Variants in PMS1 observed in about 807,000 individuals in gnomAD.
PMS1 encodes PMS1 homolog 1, mismatch repair system component.
In PMS1, 79 loss-of-function variants were observed where a neutral mutation model predicts 93.1. The observed-to-expected ratio is 0.85, with a 90% CI of 0.71 to 1.02. The LOEUF is 1.02. Ranked by LOEUF, PMS1 falls within the 50% of genes least tolerant of loss-of-function variation. The pLI is 0.00. For missense variants in PMS1, 1,064 were observed against 1,085.3 expected, an observed-to-expected ratio of 0.98 and a Z score of 0.28; for synonymous variants, 335 against 363.4, an observed-to-expected ratio of 0.92 and a Z score of 0.89.
chr2:189,871,326 T>A (rs2057127535), intron 11 of PMS1, among the ~76,000 whole-genome samples: 1 of 151,664 alleles, frequency 6.6e-6, no homozygotes, highest in Non-Finnish European at 1.5e-5. Flanking sequence ...AAAAAAAAAA[T>A]TGCAGAAAAA....
At chr2:189,848,266 T>G (rs1164662425) in intron 6 of PMS1, among the ~76,000 whole-genome samples, 2 of 152,208 alleles carry the variant, frequency 1.3e-5, no homozygotes. Flanking sequence ...TATCATAATT[T>G]AGTCTGAAGA....
chr2:189,795,672 T>C, intron 2 of PMS1, 97 bp from the exon 3 acceptor site: 1 of 982,324 alleles, frequency 1.0e-6, no homozygotes, highest in South Asian at 1.4e-5. Flanking sequence ...TCCATAAAAG[T>C]AAATAAATGT....
intron 2 of PMS1, among the ~76,000 whole-genome samples, chr2:189,795,544 C>T (rs1049333827): frequency 6.6e-6 from 1 of 152,124 alleles, no homozygotes; most frequent in Non-Finnish European, 1.5e-5. Flanking sequence ...ATCAGCCTAA[C>T]CTCCTTATTC....
intron 2 of PMS1, among the ~76,000 whole-genome samples, chr2:189,795,310 A>G (rs2049248588): frequency 1.3e-5 from 2 of 152,210 alleles, no homozygotes; most frequent in African/African-American, 2.4e-5. Context: ...AACAAAATAA[A>G]TAAATAAAAA....
chr2:189,811,908 A>G (rs926511133), intron 4 of PMS1, among the ~76,000 whole-genome samples: 4 of 152,260 alleles, frequency 2.6e-5, no homozygotes, highest in African/African-American at 9.6e-5. Context: ...AGGAGAAAAT[A>G]CATTGAATTC....
At chr2:189,867,733 C>T (rs2056784726) in intron 10 of PMS1, 66 bp from the exon 11 acceptor site, 1 of 1,220,180 alleles carries the variant, frequency 8.2e-7, no homozygotes, top group Admixed American at 1.8e-5. Context: ...CTAGGATTAA[C>T]TTTTTCCCGT....
intron 5 of PMS1, among the ~76,000 whole-genome samples, chr2:189,836,599 T>C (rs1403406648): frequency 1.3e-5 from 2 of 152,240 alleles, no homozygotes; most frequent in Admixed American, 1.3e-4. Flanking sequence ...CATTTTATAG[T>C]TTAGTTTTTT....
intron 10 of PMS1, among the ~76,000 whole-genome samples, chr2:189,864,785 A>G (rs2056495829): frequency 7.5e-6 from 1 of 133,930 alleles, no homozygotes; most frequent in African/African-American, 2.8e-5. Flanking sequence ...AGAATACTCT[A>G]GATAGTTCAC....
chr2:189,835,301 G>T (rs5743088), intron 5 of PMS1, among the ~76,000 whole-genome samples: 6 of 152,080 alleles, frequency 3.9e-5, no homozygotes, highest in Non-Finnish European at 8.8e-5. Flanking sequence ...AAAGTTTGAG[G>T]CTGCTTAGCA....
At chr2:189,811,143 G>A (rs954961022) in intron 4 of PMS1, among the ~76,000 whole-genome samples, 14 of 151,634 alleles carry the variant, frequency 9.2e-5, no homozygotes, top group African/African-American at 2.4e-4. Context: ...TTGGAGTCAG[G>A]TCAGTAAAAA....
intron 5 of PMS1, among the ~76,000 whole-genome samples, chr2:189,820,445 G>A (rs762953081): frequency 1.3e-5 from 2 of 151,958 alleles, no homozygotes; most frequent in Non-Finnish European, 2.9e-5. Context: ...CTACACATGT[G>A]TACCACCATG....
chr2:189,791,985 G>A, intron 2 of PMS1, 44 bp downstream of exon 2: 1 of 1,570,064 alleles, frequency 6.4e-7, no homozygotes, highest in Non-Finnish European at 8.8e-7. Flanking sequence ...ACAAAGAAAA[G>A]GGTCTGGACA....
intron 5 of PMS1, among the ~76,000 whole-genome samples, chr2:189,821,242 G>T (rs777573265): frequency 1.1e-4 from 17 of 150,994 alleles, no homozygotes; most frequent in Non-Finnish European, 2.5e-4. Context: ...GGATCACGAG[G>T]TCAGGAGATC....
At position 189,818,098 on chromosome 2, in the gene PMS1, A is replaced by G. The variant is rs200244068; in HGVS notation, c.500A>G (p.Asp167Gly). The G allele has an allele frequency of 2.0e-4, 320 of 1,607,734 alleles. 3 individuals carry two copies. Among genetic ancestry groups the G allele is most frequent in the South Asian group, 6.8e-4 (62 of 90,854 alleles). Residue 167 changes from aspartate to glycine, a missense_variant, in exon 5 of 13, where the codon GAT becomes GGT. Transcript: ENST00000441310. ...TACTCAACTGCAAAAAAATGTAAAGATGAAATAAAAAAGATCCAAGATCTC... is the reference window on the plus strand; with the variant it reads ...TACTCAACTGCAAAAAAATGTAAAGGTGAAATAAAAAAGATCCAAGATCTC... ...QFYSTAKKCKDEIKKIQDLLM... is the reference protein window; with the variant it reads ...QFYSTAKKCKGEIKKIQDLLM...
chr2:189,858,546 A>G (rs1380643414), intron 9 of PMS1, among the ~76,000 whole-genome samples: 2 of 152,100 alleles, frequency 1.3e-5, no homozygotes, highest in African/African-American at 4.8e-5. Context: ...ATAACTTTTT[A>G]TATTTCCCAA....
intron 3 of PMS1, among the ~76,000 whole-genome samples, chr2:189,800,515 A>G (rs1185580027): frequency 6.6e-6 from 1 of 152,160 alleles, no homozygotes; most frequent in East Asian, 1.9e-4. Context: ...TAATGGGTGC[A>G]TTTTGGGGGA....
At chr2:189,840,178 A>G (rs2053704706) in intron 5 of PMS1, among the ~76,000 whole-genome samples, 1 of 152,204 alleles carries the variant, frequency 6.6e-6, no homozygotes, top group Admixed American at 6.5e-5. Context: ...CAGTTTACAA[A>G]TCAGGCAGCC....
chr2:189,797,476 C>CTT (rs2049463872), intron 3 of PMS1, among the ~76,000 whole-genome samples: 1 of 152,142 alleles, frequency 6.6e-6, no homozygotes, highest in African/African-American at 2.4e-5. Flanking sequence ...CTCTGTACTA[C>CTT]TTTTTTTGTA....
chr2:189,846,333 A>G (rs897229930), intron 6 of PMS1, among the ~76,000 whole-genome samples: 4 of 152,060 alleles, frequency 2.6e-5, no homozygotes, highest in Admixed American at 6.5e-5. Context: ...CCAACATGGC[A>G]AAACCCCATC....
Sources: allele counts gnomAD v4.1 joint callset (sites outside exome capture counted in the v4.1 genomes callset), GRCh38; gene constraint gnomAD v4.1.1; transcripts MANE v1.5; gene names NCBI Gene and HGNC (gene_info 2026-07-23, HGNC 2026-07-21).